Variants in HNF4G observed in about 807,000 individuals in gnomAD.
HNF4G encodes the protein hepatocyte nuclear factor 4 gamma.
A neutral mutation model predicts 50.9 loss-of-function variants in HNF4G; 21 were observed. The ratio of observed to expected loss-of-function variants is 0.41; its 90% CI spans 0.29 to 0.59. HNF4G has a LOEUF of 0.59. Among genes scored for constraint, HNF4G ranks in the 20% least tolerant of loss-of-function variants. The pLI, the probability that HNF4G is intolerant of heterozygous loss-of-function variation, is 0.26. For missense variants in HNF4G, 527 were observed against 559.4 expected (o/e 0.94, Z 0.58); for synonymous variants, 198 against 185.6 (o/e 1.07, Z -0.54).
intron 3 of HNF4G, among the ~76,000 whole-genome samples, chr8:75,548,145 T>C (rs1419673372): frequency 6.6e-6 from 1 of 151,882 alleles, no homozygotes; most frequent in African/African-American, 2.4e-5. Flanking sequence ...TCATCACGCC[T>C]GGCTAATTTT....
intron 1 of HNF4G, among the ~76,000 whole-genome samples, chr8:75,441,563 G>C (rs1412059690): frequency 6.6e-6 from 1 of 152,066 alleles, no homozygotes; most frequent in Non-Finnish European, 1.5e-5. Context: ...ACATTTTTAA[G>C]TGTACAAGAA....
chr8:75,518,768 G>T (rs1394525512), intron 2 of HNF4G, among the ~76,000 whole-genome samples: 2 of 151,902 alleles, frequency 1.3e-5, no homozygotes, highest in African/African-American at 4.8e-5. Flanking sequence ...TAGACCTCCT[G>T]GCTTGTGATG....
chr8:75,441,320 A>G (rs954716576), intron 1 of HNF4G, among the ~76,000 whole-genome samples: 3 of 151,238 alleles, frequency 2.0e-5, no homozygotes, highest in African/African-American at 7.3e-5. Context: ...GTCTCTGCAC[A>G]CTGCAACCTC....
chr8:75,511,282 C>T (rs1481095735), intron 2 of HNF4G, among the ~76,000 whole-genome samples: 1 of 152,150 alleles, frequency 6.6e-6, no homozygotes, highest in Non-Finnish European at 1.5e-5. Context: ...TTTGTCTAGG[C>T]ATAGCTCTAT....
intron 2 of HNF4G, among the ~76,000 whole-genome samples, chr8:75,492,460 C>T (rs1482463887): frequency 1.3e-5 from 2 of 152,204 alleles, no homozygotes; most frequent in Non-Finnish European, 2.9e-5. Context: ...AATGCACAGT[C>T]TAAGCACCAG....
At chr8:75,522,626 C>G (rs991882659) in intron 2 of HNF4G, among the ~76,000 whole-genome samples, 1 of 152,108 alleles carries the variant, frequency 6.6e-6, no homozygotes, top group Non-Finnish European at 1.5e-5. Context: ...CATTCTTGGC[C>G]TGTAGTCACT....
At chr8:75,511,001 A>AT (rs1386898907) in intron 2 of HNF4G, among the ~76,000 whole-genome samples, 1 of 152,054 alleles carries the variant, frequency 6.6e-6, no homozygotes, top group Non-Finnish European at 1.5e-5. Flanking sequence ...TTTCTTTTTA[A>AT]TTTAATGTAA....
intron 2 of HNF4G, among the ~76,000 whole-genome samples, chr8:75,530,122 T>C (rs1397381553): frequency 3.3e-5 from 5 of 152,088 alleles, no homozygotes; most frequent in Non-Finnish European, 5.9e-5. Flanking sequence ...GTCTCAAGGA[T>C]AGATTGTGCC....
At chr8:75,421,297 T>C (rs2130489811) in intron 1 of HNF4G, among the ~76,000 whole-genome samples, 1 of 152,330 alleles carries the variant, frequency 6.6e-6, no homozygotes, top group Non-Finnish European at 1.5e-5. Context: ...GGCCAGTGGC[T>C]ACCTAGTTGG....
chr8:75,483,718 T>C (rs996264384), intron 1 of HNF4G, among the ~76,000 whole-genome samples: 1 of 152,244 alleles, frequency 6.6e-6, no homozygotes, highest in Non-Finnish European at 1.5e-5. Context: ...AGAGAAATTA[T>C]TCATTTAAAT....
intron 2 of HNF4G, among the ~76,000 whole-genome samples, chr8:75,514,316 T>C (rs183930157): frequency 2.0e-5 from 3 of 151,112 alleles, no homozygotes; most frequent in Admixed American, 2.0e-4. Flanking sequence ...TGCTTTCTTT[T>C]CTTTTTCTTT....
chr8:75,531,912 A>C (rs1806337664), intron 2 of HNF4G, among the ~76,000 whole-genome samples: 1 of 152,066 alleles, frequency 6.6e-6, no homozygotes, highest in Admixed American at 6.5e-5. Context: ...ACACCAAATA[A>C]ATTGGAATTT....
rs143599936 is a variant in HNF4G, at chr8:75,457,260, CA to C, written c.-143-32828del. Among the ~76,000 whole-genome samples the C allele has an allele frequency of 1.8e-3, 267 of 152,152 alleles. 1 individual carries two copies. The highest frequency in any genetic ancestry group is 5.7e-3 in the African/African-American group (236 of 41,504). ...ACAAGGAACCACACCTCTTACATAC[CA>C]CATAATCTAAAAGAAAGTGATCAGA... On this transcript the variant is annotated intron_variant, in intron 1 of 10. Coordinates refer to the HNF4G transcript ENST00000354370.
In HNF4G at chr8:75,423,767, C is replaced by T. The variant is rs374170796; in HGVS notation, c.-144+15605C>T. 7.9e-4 allele frequency among the ~76,000 whole-genome samples: 119 copies of T among 150,420 alleles called. 3 individuals carry two copies. The Middle Eastern group carries it at 0.011, about 13-fold the overall frequency. Reference sequence around the variant, plus strand: ...TTTAACATGAGAATTAAATCACTATCCAGCACACATATACTTCCTTCTTTG... The same window carrying T: ...TTTAACATGAGAATTAAATCACTATTCAGCACACATATACTTCCTTCTTTG... On this transcript the variant is annotated intron_variant, in intron 1 of 10. Coordinates refer to the HNF4G transcript ENST00000354370.
chr8:75,503,205 C>T (rs1455295660), intron 2 of HNF4G, among the ~76,000 whole-genome samples: 1 of 151,996 alleles, frequency 6.6e-6, no homozygotes, highest in Non-Finnish European at 1.5e-5. Context: ...ATTAGATAGC[C>T]CTGTGTTTGT....
intron 1 of HNF4G, among the ~76,000 whole-genome samples, chr8:75,489,553 A>G (rs1161609533): frequency 6.6e-6 from 1 of 152,172 alleles, no homozygotes; most frequent in East Asian, 1.9e-4. Context: ...ACTGCTTTAT[A>G]GTTACATTCA....
At chr8:75,476,735 A>G (rs1242899254) in intron 1 of HNF4G, among the ~76,000 whole-genome samples, 4 of 152,166 alleles carry the variant, frequency 2.6e-5, no homozygotes, top group Non-Finnish European at 5.9e-5. Flanking sequence ...TTTCTGCCCA[A>G]AGAAAGAGGG....
chr8:75,506,568 T>G (rs895520321), intron 2 of HNF4G, among the ~76,000 whole-genome samples: 7 of 152,144 alleles, frequency 4.6e-5, no homozygotes, highest in African/African-American at 1.7e-4. Context: ...CAAGGAGACA[T>G]ATATTTTGAT....
At chr8:75,529,218 C>G (rs62517212) in intron 2 of HNF4G, among the ~76,000 whole-genome samples, 26,861 of 151,646 alleles carry the variant, frequency 0.18, 2,448 homozygotes, top group South Asian at 0.21. Context: ...GTGAACCCGG[C>G]AGGCGGAGCT....
Sources: allele counts gnomAD v4.1 joint callset (sites outside exome capture counted in the v4.1 genomes callset), GRCh38; gene constraint gnomAD v4.1.1; transcripts MANE v1.5; gene names NCBI Gene and HGNC (gene_info 2026-07-23, HGNC 2026-07-21).